Variants in ASPG observed in about 807,000 individuals in gnomAD.
The protein encoded by ASPG is 60 kDa lysophospholipase.
A neutral mutation model predicts 63.2 loss-of-function variants in ASPG; 53 were observed. The ratio of observed to expected loss-of-function variants is 0.84; its 90% CI spans 0.67 to 1.05. ASPG has a LOEUF of 1.05. ASPG is among the 50% of genes least tolerant of loss of function. The probability of loss-of-function intolerance (pLI) is 0.00; values close to 1 mark genes in which losing one functional copy is unlikely to be tolerated. For missense variants in ASPG, 741 were observed against 794.4 expected, an observed-to-expected ratio of 0.93 and a Z score of 0.81; for synonymous variants, 370 against 355.0, an observed-to-expected ratio of 1.04 and a Z score of -0.48.
At position 104,106,907 on chromosome 14, in the gene ASPG, C is replaced by T. The variant is rs140487877; in HGVS notation, c.1269+13C>T. ...GCTTGTGGAGCTGGTGAGCCTCCCC[C>T]ACCCTGGGGGCCCAGCCCCAGCCAC... On this transcript the variant is annotated intron_variant, in intron 11 of 15. Coordinates refer to ENST00000551177, the MANE Select transcript of ASPG (RefSeq NM_001080464.3). The T allele has an allele frequency of 9.5e-5, 149 of 1,561,350 alleles. No homozygotes were observed. Among genetic ancestry groups the T allele is most frequent in the Non-Finnish European group, 1.1e-4 (132 of 1,156,816 alleles).
In ASPG at chr14:104,097,634, A is replaced by C. The variant is rs201885719; in HGVS notation, c.510A>C (p.Pro170=). 2 of 1,562,194 alleles carry C rather than the reference A, an allele frequency of 1.3e-6. No homozygotes were observed. Among genetic ancestry groups the C allele is most frequent in the Non-Finnish European group, 1.7e-6 (2 of 1,154,186 alleles). Residue 170 remains proline, a synonymous_variant, in exon 5 of 16, where the codon CCA becomes CCC. Transcript: ENST00000551177. ...TCATGGCTGGCCAGTATGTGATCCCAGAGGTACCTGCCTGGTGCACGTGGA... is the reference window on the plus strand; with the variant it reads ...TCATGGCTGGCCAGTATGTGATCCCCGAGGTACCTGCCTGGTGCACGTGGA... ...ALLMAGQYVI[P]EVCLFFQNQL...
intron 11 of ASPG, 38 bp from the exon 12 acceptor site, chr14:104,107,144 G>T (rs542212701): frequency 4.6e-6 from 7 of 1,527,176 alleles, no homozygotes; most frequent in Non-Finnish European, 6.2e-6. Context: ...CCCCGCCTGG[G>T]TCTCCCTCAG....
intron 12 of ASPG, chr14:104,108,576 TG>T: frequency 2.0e-6 from 2 of 985,076 alleles, no homozygotes. Flanking sequence ...TTTGCAGGGG[TG>T]GGGGCACGGC....
intron 15 of ASPG, among the ~76,000 whole-genome samples, chr14:104,112,201 A>G (rs928667898): frequency 6.6e-6 from 1 of 152,004 alleles, no homozygotes; most frequent in Non-Finnish European, 1.5e-5. Flanking sequence ...AGGAGAAAGG[A>G]GCAGTCAGGG....
chr14:104,085,796 G>T lies in ASPG; in HGVS notation c.26G>T (p.Arg9Leu). The T allele has an allele frequency of 6.3e-7, 1 of 1,588,724 alleles. No homozygotes were observed. Residue 9 changes from arginine (R) to leucine (L), a missense_variant, in exon 1 of 16, where the codon CGG becomes CTG. Transcript: ENST00000551177. ...ATGGCGCGCGCGGTGGGGCCCGAGC[G>T]GAGGCTGCTGGCCGTCTACACCGGC... MARAVGPE[R>L]RLLAVYTGGT...
At chr14:104,092,601 G>T in intron 1 of ASPG, 32 bp from the exon 2 acceptor site, 1 of 1,518,974 alleles carries the variant, frequency 6.6e-7, no homozygotes, top group South Asian at 1.2e-5. Flanking sequence ...GTCAGCCCCT[G>T]ACCCCAGCAT....
chr14:104,097,464 T>A, intron 4 of ASPG, 90 bp from the exon 5 acceptor site: 1 of 1,304,378 alleles, frequency 7.7e-7, no homozygotes, highest in South Asian at 1.5e-5. Flanking sequence ...GCTCCTGGGC[T>A]GGGCCTGGGG....
At chr14:104,105,863 C>T (rs954101594) in intron 10 of ASPG, among the ~76,000 whole-genome samples, 3 of 152,182 alleles carry the variant, frequency 2.0e-5, no homozygotes, top group African/African-American at 7.2e-5. Context: ...CCCTGCACAA[C>T]TGAGGTGCCC....
chr14:104,091,754 GA>G lies in ASPG; in HGVS notation c.83-876del, dbSNP rs1234404868. Among the ~76,000 whole-genome samples, 2 of 148,322 alleles carry G rather than the reference GA, an allele frequency of 1.3e-5. No homozygotes were observed. Among genetic ancestry groups the G allele is most frequent in the Non-Finnish European group, 3.0e-5 (2 of 67,038 alleles). ...GGTACAGCTGCAGAGGGCGAGGGGG[GA>G]AAGCAGGTGACCATGGCTGGGATCT... On this transcript the variant is annotated intron_variant, in intron 1 of 15. Transcript: ENST00000551177. The surrounding 1 kb of genome is among the most constrained non-coding windows in gnomAD (Gnocchi z 6.4).
At chr14:104,089,175 C>T (rs576776752) in intron 1 of ASPG, among the ~76,000 whole-genome samples, 18 of 152,106 alleles carry the variant, frequency 1.2e-4, no homozygotes, top group African/African-American at 1.7e-4. Context: ...CGCCCGCCAC[C>T]GTGCCCGGCT....
intron 6 of ASPG, 97 bp from the exon 7 acceptor site, chr14:104,103,464 CAA>C (rs1566835349): frequency 1.9e-6 from 2 of 1,041,534 alleles, no homozygotes; most frequent in East Asian, 5.4e-5. Context: ...GCTCTGAAAA[CAA>C]GGGAGGAGGC....
At position 104,104,414 on chromosome 14, in the gene ASPG, G is replaced by A. The variant is rs1167480676; in HGVS notation, c.864G>A (p.Glu288=). 6.2e-7 allele frequency: 1 copy of A among 1,612,614 alleles called. No homozygotes were observed. Among genetic ancestry groups the A allele is most frequent in the South Asian group, 1.1e-5 (1 of 91,078 alleles). The change falls in exon 8 of 16, where the codon GAG becomes GAA. Residue 288 remains glutamate (E), a synonymous_variant. Transcript: ENST00000551177. ...DLLQELRVAT[E]RGLVIVNCTH... ...TGCAGGAGCTGCGGGTGGCCACCGAGCGCGGCCTGGTCATCGTCAACTGTA... is the reference window on the plus strand; with the variant it reads ...TGCAGGAGCTGCGGGTGGCCACCGAACGCGGCCTGGTCATCGTCAACTGTA...
At chr14:104,094,751 G>T (rs1332863588) in intron 3 of ASPG, among the ~76,000 whole-genome samples, 5 of 152,216 alleles carry the variant, frequency 3.3e-5, no homozygotes, top group African/African-American at 9.6e-5. Context: ...TTGCTGCAGG[G>T]AGCAGCCCTG....
intron 1 of ASPG, among the ~76,000 whole-genome samples, chr14:104,087,228 C>G (rs188371538): frequency 2.1e-3 from 313 of 148,384 alleles, no homozygotes; most frequent in African/African-American, 7.4e-3. Flanking sequence ...CTGCACTTCT[C>G]CTTCTGCCTG....
At chr14:104,104,260 G>A in intron 7 of ASPG, 44 bp from the exon 8 acceptor site, 1 of 1,578,544 alleles carries the variant, frequency 6.3e-7, no homozygotes, top group Non-Finnish European at 8.6e-7. Context: ...TGGTGCTGAG[G>A]GCAGAGACCC....
intron 1 of ASPG, 32 bp from the exon 2 acceptor site, chr14:104,092,601 G>C: frequency 6.6e-7 from 1 of 1,518,974 alleles, no homozygotes; most frequent in African/African-American, 1.4e-5. Context: ...GTCAGCCCCT[G>C]ACCCCAGCAT....
chr14:104,099,120 C>T, intron 6 of ASPG, 141 bp downstream of exon 6: 1 of 1,375,050 alleles, frequency 7.3e-7, no homozygotes, highest in Non-Finnish European at 9.8e-7. Context: ...TTGGTTCTGC[C>T]CTGGGCTGTG....
At chr14:104,112,362 A>C (rs1343802474) in intron 15 of ASPG, 162 bp from the exon 16 acceptor site, 1 of 660,346 alleles carries the variant, frequency 1.5e-6, no homozygotes, top group African/African-American at 1.8e-5. Context: ...TTCCCAGCTG[A>C]CACCCCCATT....
chr14:104,104,915 C>T (rs1444123889), intron 9 of ASPG, 180 bp downstream of exon 9: 2 of 607,130 alleles, frequency 3.3e-6, no homozygotes, highest in Non-Finnish European at 5.7e-6. Context: ...GGCCCAGGCT[C>T]CCCACAGCCC....
Sources: allele counts gnomAD v4.1 joint callset (sites outside exome capture counted in the v4.1 genomes callset), GRCh38; gene constraint gnomAD v4.1.1; non-coding constraint Gnocchi (gnomAD v3.1); transcripts MANE v1.5; gene names NCBI Gene and HGNC (gene_info 2026-07-23, HGNC 2026-07-21).